Variants in DPPA3 observed in about 807,000 individuals in gnomAD.
DPPA3 encodes the protein developmental pluripotency associated 3.
DPPA3 carries 9 observed loss-of-function variants against 15.6 expected under a neutral mutation model. That is an observed-to-expected ratio of 0.58 (90% CI 0.35 to 1.01). DPPA3 has a LOEUF of 1.01. DPPA3 is among the 50% of genes least tolerant of loss of function. The probability of loss-of-function intolerance (pLI) is 0.02; values close to 1 mark genes in which losing one functional copy is unlikely to be tolerated. For missense variants in DPPA3, 148 were observed against 194.6 expected (o/e 0.76, Z 1.42); for synonymous variants, 61 against 70.9 (o/e 0.86, Z 0.70).
chr12:7,715,426 C>G lies in DPPA3; in HGVS notation c.326C>G (p.Thr109Arg), dbSNP rs539126010. The G allele has an allele frequency of 5.0e-6, 8 of 1,613,882 alleles. No homozygotes were observed. In the African/African-American group the frequency reaches 8.0e-5, roughly 16 times the overall value. ...LRYMLLGGVRTHERRPTNKEP... is the reference protein window; with the variant it reads ...LRYMLLGGVRRHERRPTNKEP... ...TACATGTTACTCGGCGGAGTTCGTACGGTATGTTGATGTGATGTGGCCGGG... is the reference window on the plus strand; with the variant it reads ...TACATGTTACTCGGCGGAGTTCGTAGGGTATGTTGATGTGATGTGGCCGGG... Residue 109 changes from threonine to arginine, a missense_variant and splice_region_variant, in exon 2 of 4, where the codon ACG becomes AGG. Thr to Arg is a moderately conservative substitution (Grantham distance 71). Coordinates refer to ENST00000345088, the MANE Select transcript of DPPA3 (RefSeq NM_199286.4).
rs61753205 is a variant in DPPA3, at chr12:7,711,603, C to T, written c.33C>T (p.Ile11=). The change falls in exon 1 of 4, where the codon ATC becomes ATT. Residue 11 remains isoleucine (I), a synonymous_variant. Coordinates refer to ENST00000345088, the MANE Select transcript of DPPA3 (RefSeq NM_199286.4). ...CATCACAGTTTAATCCAACCTACAT[C>T]CCAGGGTCTCCACAAATGCTCACCG... MDPSQFNPTY[I]PGSPQMLTEE... The T allele has an allele frequency of 0.01, 16,158 of 1,613,476 alleles. 45 individuals carry two copies. Among genetic ancestry groups the T allele is most frequent in the Non-Finnish European group, 0.012 (14,157 of 1,179,660 alleles).
In DPPA3 at chr12:7,711,540, T is replaced by C. The variant is rs370059392; in HGVS notation, c.-31T>C. ...AGTTTCTGCTACGTTTCAAAGATCC[T>C]GGAGAAGCCTAGTGTTGTGTCAAGA... On this transcript the variant is annotated 5_prime_UTR_variant, in exon 1 of 4. Coordinates refer to ENST00000345088, the MANE Select transcript of DPPA3 (RefSeq NM_199286.4). 10 of 1,587,794 alleles carry C rather than the reference T, an allele frequency of 6.3e-6. No individual in the cohort carries two copies. In the African/African-American group the frequency reaches 1.4e-4, roughly 22 times the overall value.
rs1035128154 is a variant in DPPA3 at position 7,717,190 on chromosome 12, T to C, written c.*113T>C. On this transcript the variant is annotated 3_prime_UTR_variant, in exon 4 of 4. Coordinates refer to ENST00000345088, the MANE Select transcript of DPPA3 (RefSeq NM_199286.4). The stretch of plus-strand genomic sequence containing the variant: ...ATAATTTTGATAATGAGTTCTAGGA[T>C]GTATTTTTCTTGTATCTTTTTCTTC... 2 of 735,356 alleles carry C rather than the reference T, an allele frequency of 2.7e-6. No homozygotes were observed. The highest frequency in any genetic ancestry group is 4.6e-6 in the Non-Finnish European group (2 of 439,472). 45.6% of individuals were successfully genotyped at this position (735,356 alleles called of 1,614,324 possible). A position where few individuals can be genotyped will look rare whatever the true frequency, so the allele number is the denominator to read the frequency against.
Position 7,715,236 on chromosome 12 carries a change from A to G in DPPA3, c.136A>G (p.Ile46Val), listed in dbSNP as rs1379460934. 3.1e-6 allele frequency: 5 copies of G among 1,613,872 alleles called. No individual in the cohort carries two copies. Among genetic ancestry groups the G allele is most frequent in the South Asian group, 1.1e-5 (1 of 91,056 alleles). Residue 46 changes from isoleucine (I) to valine (V), a missense_variant, in exon 2 of 4, where the codon ATC becomes GTC. Physicochemically the swap from Ile to Val is conservative, Grantham distance 29. Transcript: ENST00000345088. The part of the protein sequence containing the change: ...TLIKNLSNLT[I>V]NASSESVSPL... ...GATAAAGAACCTTAGTAACTTGACT[A>G]TCAACGCTAGTAGCGAATCTGTTTC...
chr12:7,711,729 T>C, intron 1 of DPPA3, 77 bp downstream of exon 1: 1 of 521,394 alleles, frequency 1.9e-6, no homozygotes, highest in South Asian at 3.2e-5. Context: ...TCTTTTTTTT[T>C]TTTTTTTTTT....
chr12:7,716,997 A>C lies in DPPA3; in HGVS notation c.400A>C (p.Ser134Arg). 1 of 1,613,856 alleles carries C rather than the reference A, an allele frequency of 6.2e-7. No individual in the cohort carries two copies. Among genetic ancestry groups the C allele is most frequent in the South Asian group, 1.1e-5 (1 of 91,058 alleles). ...ATCAAGACCATTCAAATGTCCCTGC[A>C]GTTTCTGCGTGTCTAATGGATGGGA... ...KESRPFKCPC[S>R]FCVSNGWDPS... The change falls in exon 4 of 4, where the codon AGT becomes CGT. Residue 134 changes from serine to arginine, a missense_variant. By Grantham distance (110) the Ser-to-Arg change is moderately radical. Transcript: ENST00000345088.
chr12:7,716,279 T>TTTTTGGCTATATA, intron 3 of DPPA3, 40 bp downstream of exon 3: 2 of 1,474,796 alleles, frequency 1.4e-6, no homozygotes, highest in Non-Finnish European at 1.8e-6. Flanking sequence ...CTTTTTTTTT[T>TTTTTGGCTATATA]TTGGCTATAT....
At chr12:7,714,874 G>A (rs1414073980) in intron 1 of DPPA3, among the ~76,000 whole-genome samples, 5 of 151,824 alleles carry the variant, frequency 3.3e-5, no homozygotes, top group African/African-American at 1.2e-4. Flanking sequence ...CACAACGCCC[G>A]GCTAATTTTT....
intron 3 of DPPA3, 39 bp from the exon 4 acceptor site, chr12:7,716,928 A>T: frequency 6.6e-7 from 1 of 1,524,466 alleles, no homozygotes; most frequent in South Asian, 1.1e-5. Context: ...TCTCTGGGGT[A>T]CAATATTCCA....
chr12:7,715,383 A>C lies in DPPA3; in HGVS notation c.283A>C (p.Lys95Gln). ...AACATTGCTGTCTGTGCAGAGAGAA[A>C]AGATGGCAAGATTGAGATACATGTT... ...VRTLLSVQRE[K>Q]MARLRYMLLG... The change falls in exon 2 of 4, where the codon AAG becomes CAG. Residue 95 changes from lysine to glutamine, a missense_variant. Physicochemically the swap from Lys to Gln is moderately conservative, Grantham distance 53. Coordinates refer to ENST00000345088, the MANE Select transcript of DPPA3 (RefSeq NM_199286.4). 6.2e-7 allele frequency: 1 copy of C among 1,614,186 alleles called. No homozygotes were observed. The highest frequency in any genetic ancestry group is 8.5e-7 in the Non-Finnish European group (1 of 1,180,024).
In DPPA3 at chr12:7,712,077, G is replaced by GGCTATTTTT. The variant is rs71038728; in HGVS notation, c.82+425_82+426insGCTATTTTT. ...ACTACAGGCGCCCGCCACCGCGCCC[G>GGCTATTTTT]TTTTTTTTTTTGTATTTTTGGTAGA... On this transcript the variant is annotated intron_variant, in intron 1 of 3. Transcript: ENST00000345088. 3.9e-3 allele frequency among the ~76,000 whole-genome samples: 308 copies of GGCTATTTTT among 77,980 alleles called. 112 individuals are homozygous for GGCTATTTTT. The highest frequency in any genetic ancestry group is 0.013 in the Middle Eastern group (2 of 150). 51.2% of individuals were successfully genotyped at this position (77,980 alleles called of 152,430 possible). A position where few individuals can be genotyped will look rare whatever the true frequency, so the allele number is the denominator to read the frequency against.
At chr12:7,716,850 T>G in intron 3 of DPPA3, 117 bp from the exon 4 acceptor site, 1 of 961,510 alleles carries the variant, frequency 1.0e-6, no homozygotes, top group Non-Finnish European at 1.6e-6. Flanking sequence ...TGTGTCCTTT[T>G]TTGTGTGTGT....
At position 7,711,597 on chromosome 12, in the gene DPPA3, C is replaced by T; in HGVS notation, c.27C>T (p.Thr9=). 1 of 1,613,618 alleles carries T rather than the reference C, an allele frequency of 6.2e-7. No individual in the cohort carries two copies. Among genetic ancestry groups the T allele is most frequent in the East Asian group, 2.2e-5 (1 of 44,854 alleles). The stretch of plus-strand genomic sequence containing the variant: ...TGGACCCATCACAGTTTAATCCAAC[C>T]TACATCCCAGGGTCTCCACAAATGC... The part of the protein sequence containing the change: MDPSQFNP[T]YIPGSPQMLT... The change falls in exon 1 of 4, where the codon ACC becomes ACT. Residue 9 remains threonine (T), a synonymous_variant. Transcript: ENST00000345088.
chr12:7,714,656 A>T (rs974675037), intron 1 of DPPA3, among the ~76,000 whole-genome samples: 1 of 79,266 alleles, frequency 1.3e-5, no homozygotes. Flanking sequence ...CTGGGATTAC[A>T]GGCATGCACC....
At position 7,717,401 on chromosome 12, in the gene DPPA3, TA is replaced by T. The variant is rs200516222; in HGVS notation, c.*327del. Reference sequence around the variant, plus strand: ...AAATTGAAGCAAAGTTACTTATGGATAAAGAAAGCATTAGGTAGTTGGGCTA... The same window carrying T: ...AAATTGAAGCAAAGTTACTTATGGATAAGAAAGCATTAGGTAGTTGGGCTA... On this transcript the variant is annotated 3_prime_UTR_variant, in exon 4 of 4. Coordinates refer to ENST00000345088, the MANE Select transcript of DPPA3 (RefSeq NM_199286.4). The T allele has an allele frequency of 6.5e-3, 1,378 of 212,724 alleles. 19 individuals carry two copies. Among genetic ancestry groups the T allele is most frequent in the African/African-American group, 0.029 (1,280 of 43,728 alleles). The allele number at this position is 212,724 out of a possible 1,614,324, so 13.2% of individuals were successfully genotyped here.
chr12:7,712,989 T>C lies in DPPA3; in HGVS notation c.82+1337T>C, dbSNP rs184416224. ...AAACGTGCTCCGTAATGTAAATTAGTAGCAGGACCTCCACCGGAGGGCGGC... is the reference window on the plus strand; with the variant it reads ...AAACGTGCTCCGTAATGTAAATTAGCAGCAGGACCTCCACCGGAGGGCGGC... On this transcript the variant is annotated intron_variant, in intron 1 of 3. Coordinates refer to ENST00000345088, the MANE Select transcript of DPPA3 (RefSeq NM_199286.4). 2.0e-3 allele frequency among the ~76,000 whole-genome samples: 310 copies of C among 152,350 alleles called. 3 individuals carry two copies. The highest frequency in any genetic ancestry group is 6.7e-3 in the African/African-American group (280 of 41,594).
Position 7,711,465 on chromosome 12 carries a change from T to A in DPPA3, c.-106T>A. ...CTTTGACCATTCGTTGGAGCTCCGG[T>A]TTTCAGCCTCTTTCCGGGCTACCTG... is the stretch of plus-strand genomic sequence containing the variant. On this transcript the variant is annotated 5_prime_UTR_variant, in exon 1 of 4. Transcript: ENST00000345088. 1 of 1,009,120 alleles carries A rather than the reference T, an allele frequency of 9.9e-7. No homozygotes were observed. The highest frequency in any genetic ancestry group is 1.4e-6 in the Non-Finnish European group (1 of 699,964). 62.5% of individuals were successfully genotyped at this position (1,009,120 alleles called of 1,614,324 possible). A position where few individuals can be genotyped will look rare whatever the true frequency, so the allele number is the denominator to read the frequency against.
At chr12:7,714,598 T>G (rs1182750309) in intron 1 of DPPA3, among the ~76,000 whole-genome samples, 2 of 151,906 alleles carry the variant, frequency 1.3e-5, no homozygotes, top group Non-Finnish European at 2.9e-5. Flanking sequence ...ACTGCAAACC[T>G]CCGCTTCCCG....
At position 7,715,434 on chromosome 12, in the gene DPPA3, T is replaced by C; in HGVS notation, c.327+7T>C. On this transcript the variant is annotated splice_region_variant and intron_variant, in intron 2 of 3. Transcript: ENST00000345088. The stretch of plus-strand genomic sequence containing the variant: ...ACTCGGCGGAGTTCGTACGGTATGT[T>C]GATGTGATGTGGCCGGGGCTGTCCA... 6.2e-7 allele frequency: 1 copy of C among 1,613,872 alleles called. No individual in the cohort carries two copies. The highest frequency in any genetic ancestry group is 1.3e-5 in the African/African-American group (1 of 75,012).
Sources: allele counts gnomAD v4.1 joint callset (sites outside exome capture counted in the v4.1 genomes callset), GRCh38; gene constraint gnomAD v4.1.1; transcripts MANE v1.5; gene names NCBI Gene and HGNC (gene_info 2026-07-23, HGNC 2026-07-21).